Variants in ADGRV1 observed in about 807,000 individuals in gnomAD.
ADGRV1 encodes G-protein coupled receptor 98.
ADGRV1 carries 359 observed loss-of-function variants against 596.2 expected under a neutral mutation model. The ratio of observed to expected loss-of-function variants is 0.60; its 90% confidence interval spans 0.55 to 0.66. ADGRV1 has a LOEUF of 0.66. ADGRV1 is among the 30% of genes least tolerant of loss of function. The pLI, the probability that ADGRV1 is intolerant of heterozygous loss-of-function variation, is 0.00. For synonymous variants in ADGRV1, 2,681 were observed against 2,679.2 expected, an observed-to-expected ratio of 1.00 and a Z score of -0.02; for missense variants, 7,274 against 7,575.6, an observed-to-expected ratio of 0.96 and a Z score of 1.48.
chr5:90,855,942 A>G (rs1407547476), intron 82 of ADGRV1, 41 bp downstream of exon 82: 2 of 1,490,348 alleles, frequency 1.3e-6, no homozygotes, highest in Non-Finnish European at 1.9e-6. Flanking sequence ...ATAAATATTT[A>G]TGAAAATGAA....
intron 84 of ADGRV1, among the ~76,000 whole-genome samples, chr5:90,981,876 C>T (rs1033566508): frequency 6.6e-6 from 1 of 152,128 alleles, no homozygotes; most frequent in East Asian, 1.9e-4. Flanking sequence ...AGAAGGTGCT[C>T]CTGACAATTT....
chr5:90,582,445 T>TA (rs1758191841), intron 1 of ADGRV1, among the ~76,000 whole-genome samples: 1 of 152,224 alleles, frequency 6.6e-6, no homozygotes. Flanking sequence ...CATTCTGTAA[T>TA]ACCTTTCATT....
At chr5:90,808,722 C>T (rs1456772062) in intron 73 of ADGRV1, among the ~76,000 whole-genome samples, 1 of 152,134 alleles carries the variant, frequency 6.6e-6, no homozygotes, top group Non-Finnish European at 1.5e-5. Context: ...TGGCAAAACC[C>T]CATCTCTACT....
chr5:90,596,170 G>C (rs1318732658), intron 1 of ADGRV1, among the ~76,000 whole-genome samples: 2 of 144,742 alleles, frequency 1.4e-5, no homozygotes, highest in African/African-American at 2.6e-5. Context: ...GGGCAGAGGC[G>C]CTCCCCACAT....
At chr5:90,578,199 A>G (rs1353745674) in intron 1 of ADGRV1, among the ~76,000 whole-genome samples, 2 of 152,184 alleles carry the variant, frequency 1.3e-5, no homozygotes, top group African/African-American at 2.4e-5. Flanking sequence ...TGGTTTTCAA[A>G]GGGAATGCTT....
chr5:91,042,052 G>A (rs905345761), intron 85 of ADGRV1, among the ~76,000 whole-genome samples: 7 of 152,088 alleles, frequency 4.6e-5, no homozygotes, highest in African/African-American at 9.7e-5. Context: ...TAAACTTGAG[G>A]CTCTTAGTTT....
intron 85 of ADGRV1, among the ~76,000 whole-genome samples, chr5:91,036,275 G>A (rs1431461991): frequency 6.6e-6 from 1 of 151,992 alleles, no homozygotes; most frequent in Non-Finnish European, 1.5e-5. Context: ...GAGGCAGGAG[G>A]ATTGCTTGAA....
At chr5:90,986,805 C>T (rs896860939) in intron 85 of ADGRV1, among the ~76,000 whole-genome samples, 7 of 152,000 alleles carry the variant, frequency 4.6e-5, no homozygotes, top group Non-Finnish European at 1.0e-4. Context: ...TCGTGGACTG[C>T]CAGGATTAAT....
chr5:90,714,105 A>G (rs1008112163), intron 42 of ADGRV1, among the ~76,000 whole-genome samples: 1 of 152,150 alleles, frequency 6.6e-6, no homozygotes, highest in African/African-American at 2.4e-5. Flanking sequence ...TGTTAGTTAC[A>G]TTTCAATGTG....
At chr5:91,093,786 G>A (rs1251889624) in intron 86 of ADGRV1, among the ~76,000 whole-genome samples, 1 of 151,732 alleles carries the variant, frequency 6.6e-6, no homozygotes, top group African/African-American at 2.4e-5. Context: ...GATCATATAT[G>A]AAAATACATA....
rs148219621 is a variant in ADGRV1, at chr5:91,096,641, A to C, written c.18311-5578A>C. Among the ~76,000 whole-genome samples the C allele has an allele frequency of 3.9e-5, 6 of 152,224 alleles. No homozygotes were observed. The East Asian group carries it at 9.7e-4, about 24-fold the overall frequency. ...TGATTTGATTTTTTTTTCTCCCTGC[A>C]GTGGAACTTCATCTTGACACAGCCT... is the stretch of plus-strand genomic sequence containing the variant. On this transcript the variant is annotated intron_variant, in intron 86 of 89. Transcript: ENST00000405460.
chr5:90,681,180 C>G (rs1473219640), intron 26 of ADGRV1, 135 bp from the exon 27 acceptor site: 4 of 955,862 alleles, frequency 4.2e-6, no homozygotes, highest in East Asian at 5.2e-5. Flanking sequence ...GTCTGCCTTT[C>G]TTTCTAAAAC....
intron 86 of ADGRV1, among the ~76,000 whole-genome samples, chr5:91,080,567 C>T (rs1789250002): frequency 2.2e-5 from 3 of 137,764 alleles, no homozygotes; most frequent in African/African-American, 5.4e-5. Flanking sequence ...TTAGACTTTA[C>T]ACCCAGCTCC....
chr5:90,662,922 C>T (rs867622054), intron 21 of ADGRV1, among the ~76,000 whole-genome samples: 2 of 151,414 alleles, frequency 1.3e-5, no homozygotes, highest in Non-Finnish European at 2.9e-5. Flanking sequence ...TCATCCATGT[C>T]CCTACAAAGG....
At chr5:91,123,949 T>C (rs967130089) in intron 87 of ADGRV1, among the ~76,000 whole-genome samples, 14 of 152,118 alleles carry the variant, frequency 9.2e-5, no homozygotes, top group African/African-American at 3.1e-4. Context: ...TGTAGCATGT[T>C]AGAAGATGAT....
chr5:90,903,747 G>A (rs10044202), intron 83 of ADGRV1, among the ~76,000 whole-genome samples: 40,282 of 151,714 alleles, frequency 0.27, 5,791 homozygotes, highest in Non-Finnish European at 0.32. Flanking sequence ...TCCCTCAAGC[G>A]TTTATCCTTC....
At chr5:90,868,782 T>G (rs1376173089) in intron 83 of ADGRV1, among the ~76,000 whole-genome samples, 1 of 151,986 alleles carries the variant, frequency 6.6e-6, no homozygotes, top group Non-Finnish European at 1.5e-5. Context: ...CACACAGATA[T>G]GAATATACAT....
In ADGRV1 at chr5:90,791,089, G is replaced by C. The variant is rs754768713; in HGVS notation, c.14260G>C (p.Val4754Leu). Residue 4754 changes from valine (V) to leucine (L), a missense_variant, in exon 70 of 90, where the codon GTT becomes CTT. By Grantham distance (32) the Val-to-Leu change is conservative (BLOSUM62 1). Coordinates refer to ENST00000405460, the MANE Select transcript of ADGRV1 (RefSeq NM_032119.4). ...DLEKSITWFS[V>L]YANDDPHGVF... is the part of the protein sequence containing the mutation. Reference sequence around the variant, plus strand: ...GGAGAAGAGTATCACATGGTTCTCTGTTTATGCAAATGATGACCCACATGG... The same window carrying C: ...GGAGAAGAGTATCACATGGTTCTCTCTTTATGCAAATGATGACCCACATGG... The C allele has an allele frequency of 6.2e-7, 1 of 1,613,810 alleles. No individual in the cohort carries two copies. Among genetic ancestry groups the C allele is most frequent in the East Asian group, 2.2e-5 (1 of 44,872 alleles).
At chr5:91,162,183 T>TAATACTACATTCAGCA (rs1797005700) in intron 89 of ADGRV1, among the ~76,000 whole-genome samples, 1 of 152,172 alleles carries the variant, frequency 6.6e-6, no homozygotes, top group Non-Finnish European at 1.5e-5. Context: ...GAGCACAGTT[T>TAATACTACATTCAGCA]AATACTACAT....
Sources: gnomAD v4.1 joint callset for allele counts (sites outside exome capture counted in the v4.1 genomes callset) on GRCh38, gnomAD v4.1.1 for gene constraint, MANE v1.5 for transcripts, NCBI Gene and HGNC (gene_info 2026-07-23, HGNC 2026-07-21) for gene names.